The following HPSE2 variants were observed in gnomAD, a reference collection of about 807,000 sequenced individuals.
The protein encoded by HPSE2 is heparanase 2 (inactive).
Under a neutral mutation model 60.5 loss-of-function variants are expected in HPSE2, and 38 were observed. The observed-to-expected ratio is 0.63, with a 90% CI of 0.48 to 0.82. The LOEUF (loss-of-function observed/expected upper bound fraction) is 0.82. Ranked by LOEUF, HPSE2 falls within the 40% of genes least tolerant of loss-of-function variation. The probability of loss-of-function intolerance (pLI) is 0.00; values close to 1 mark genes in which losing one functional copy is unlikely to be tolerated. For missense variants in HPSE2, 713 were observed against 740.4 expected (o/e 0.96, Z 0.43); for synonymous variants, 295 against 293.2 (o/e 1.01, Z -0.06).
intron 9 of HPSE2, among the ~76,000 whole-genome samples, chr10:98,598,606 G>T (rs937969750): frequency 2.6e-5 from 4 of 152,132 alleles, no homozygotes; most frequent in Non-Finnish European, 4.4e-5. Flanking sequence ...GCTCATGGAA[G>T]ATGGGTCTGT....
At chr10:98,644,302 T>A (rs566110152) in intron 6 of HPSE2, among the ~76,000 whole-genome samples, 1 of 152,250 alleles carries the variant, frequency 6.6e-6, no homozygotes, top group Admixed American at 6.5e-5. Context: ...ATCTACTCTG[T>A]TCAGATTACT....
intron 9 of HPSE2, among the ~76,000 whole-genome samples, chr10:98,500,967 G>A (rs1406194072): frequency 1.3e-5 from 2 of 151,928 alleles, no homozygotes. Context: ...ATAAATTCCT[G>A]GAAAAATACC....
intron 5 of HPSE2, 148 bp from the exon 6 acceptor site, chr10:98,694,095 G>T: frequency 1.4e-6 from 1 of 701,280 alleles, no homozygotes; most frequent in East Asian, 2.6e-5. Context: ...TCATGGCCTA[G>T]ACACAGCTAT....
chr10:99,294,149 T>C, the HPSE2 span, among the ~76,000 whole-genome samples: 2 of 151,932 alleles, frequency 1.3e-5, no homozygotes, highest in African/African-American at 2.4e-5. Flanking sequence ...CTAATAAGAT[T>C]GCACCTAAAT....
intron 3 of HPSE2, among the ~76,000 whole-genome samples, chr10:99,070,027 A>G (rs1457732211): frequency 1.3e-5 from 2 of 152,162 alleles, no homozygotes; most frequent in African/African-American, 4.8e-5. Context: ...AGCAATTTAG[A>G]GAGAGGTGTC....
chr10:99,289,349 T>C, the HPSE2 span, among the ~76,000 whole-genome samples: 1 of 58,174 alleles, frequency 1.7e-5, no homozygotes, highest in South Asian at 7.4e-4. Context: ...AATGGAGACA[T>C]CATCTGTTTT....
At chr10:98,667,990 A>G (rs1947411543) in intron 6 of HPSE2, among the ~76,000 whole-genome samples, 1 of 152,112 alleles carries the variant, frequency 6.6e-6, no homozygotes, top group South Asian at 2.1e-4. Context: ...AAATCAACCT[A>G]TTTCTCTTTG....
At chr10:99,236,339 G>A (rs1210173138), upstream of HPSE2, among the ~76,000 whole-genome samples, 1 of 152,006 alleles carries the variant, frequency 6.6e-6, no homozygotes, top group Non-Finnish European at 1.5e-5. Context: ...GCTCTGGAGG[G>A]CGGTTCAAGC....
Position 99,126,198 on chromosome 10 carries a change from TC to T in HPSE2, c.610+18039del, listed in dbSNP as rs1260639922. ...TTTTGCTACCAGCTATGCCCCCACT[TC>T]CCTGGTGAACTATGTGACACAGCAG... On this transcript the variant is annotated intron_variant, in intron 3 of 11. Transcript: ENST00000370552. The surrounding 1 kb of genome is among the most constrained non-coding windows in gnomAD (Gnocchi z 4.0). Among the ~76,000 whole-genome samples the T allele has an allele frequency of 2.0e-5, 3 of 152,084 alleles. No homozygotes were observed. Among genetic ancestry groups the T allele is most frequent in the Admixed American group, 6.6e-5 (1 of 15,264 alleles).
At position 98,937,253 on chromosome 10, in the gene HPSE2, G is replaced by A. The variant is rs1261767669; in HGVS notation, c.611-193197C>T. On this transcript the variant is annotated intron_variant, in intron 3 of 11. Coordinates refer to ENST00000370552, the MANE Select transcript of HPSE2 (RefSeq NM_021828.5). ...GTGGGCGCAGGACAGTGGGTGCAGC[G>A]CACCGTGCGCAAGCTGAAGCAGGGC... Among the ~76,000 whole-genome samples the A allele has an allele frequency of 1.0e-4, 15 of 143,962 alleles. 3 individuals carry two copies. The highest frequency in any genetic ancestry group is 2.8e-4 in the African/African-American group (10 of 35,418). 94.4% of individuals were successfully genotyped at this position (143,962 alleles called of 152,430 possible).
chr10:99,274,844 A>C, the HPSE2 span, among the ~76,000 whole-genome samples: 1 of 152,252 alleles, frequency 6.6e-6, no homozygotes, highest in Non-Finnish European at 1.5e-5. Context: ...GCATAAAGTC[A>C]AACCATACAA....
At chr10:98,597,606 G>A (rs576340456) in intron 9 of HPSE2, among the ~76,000 whole-genome samples, 3 of 151,878 alleles carry the variant, frequency 2.0e-5, no homozygotes, top group Non-Finnish European at 4.4e-5. Flanking sequence ...AGGAGGCAGA[G>A]GTTGCAGTGA....
intron 9 of HPSE2, among the ~76,000 whole-genome samples, chr10:98,557,324 T>C (rs985193574): frequency 6.6e-6 from 1 of 152,198 alleles, no homozygotes; most frequent in African/African-American, 2.4e-5. Flanking sequence ...GACCTTTACC[T>C]ATATATGATC....
intron 3 of HPSE2, among the ~76,000 whole-genome samples, chr10:99,022,699 G>A (rs941595271): frequency 3.3e-5 from 5 of 152,074 alleles, no homozygotes; most frequent in South Asian, 2.1e-4. Context: ...TGAGGTCCAC[G>A]TTTCAGGCCC....
At chr10:99,254,570 A>G in the HPSE2 span, among the ~76,000 whole-genome samples, 9 of 152,012 alleles carry the variant, frequency 5.9e-5, no homozygotes, top group African/African-American at 2.2e-4. Flanking sequence ...AAAAGAATAA[A>G]TGTTATTCAC....
intron 3 of HPSE2, among the ~76,000 whole-genome samples, chr10:98,991,505 G>A (rs1956524042): frequency 6.6e-6 from 1 of 152,194 alleles, no homozygotes; most frequent in Non-Finnish European, 1.5e-5. Flanking sequence ...AGAGTGGGCA[G>A]ACAGTGGGGA....
intron 9 of HPSE2, among the ~76,000 whole-genome samples, chr10:98,490,921 A>G (rs778415314): frequency 1.3e-5 from 2 of 152,200 alleles, no homozygotes; most frequent in Non-Finnish European, 2.9e-5. Context: ...AACCCACCTT[A>G]ATTTCTGTTG....
chr10:99,128,787 T>C (rs1845264888), intron 3 of HPSE2, among the ~76,000 whole-genome samples: 1 of 152,056 alleles, frequency 6.6e-6, no homozygotes, highest in South Asian at 2.1e-4. Context: ...ATAGCACATG[T>C]TTACCTATGT....
At chr10:98,520,521 C>T (rs1007431953) in intron 9 of HPSE2, among the ~76,000 whole-genome samples, 3 of 152,194 alleles carry the variant, frequency 2.0e-5, no homozygotes, top group Admixed American at 6.5e-5. Context: ...GGACAGCAGA[C>T]CCTGCTCTCC....
Sources: gnomAD v4.1 joint callset for allele counts (sites outside exome capture counted in the v4.1 genomes callset) on GRCh38, gnomAD v4.1.1 for gene constraint, Gnocchi (gnomAD v3.1) non-coding constraint, MANE v1.5 for transcripts, NCBI Gene and HGNC (gene_info 2026-07-23, HGNC 2026-07-21) for gene names.